The following ZNF148 variants were observed in gnomAD, a reference collection of about 807,000 sequenced individuals.
ZNF148 encodes Beta-Enolase Repressor Factor-1.
Under a neutral mutation model 67.7 loss-of-function variants are expected in ZNF148, and 7 were observed. The ratio of observed to expected loss-of-function variants is 0.10; its 90% CI spans 0.06 to 0.19. ZNF148 has a LOEUF of 0.19. Among genes scored for constraint, ZNF148 ranks in the 10% least tolerant of loss-of-function variants. ZNF148 has a pLI of 1.00. For synonymous variants in ZNF148, 333 were observed against 330.7 expected (o/e 1.01, Z -0.08); for missense variants, 583 against 947.1 (o/e 0.62, Z 5.05).
At chr3:125,278,514 A>G (rs901513386) in intron 6 of ZNF148, among the ~76,000 whole-genome samples, 2 of 151,992 alleles carry the variant, frequency 1.3e-5, no homozygotes, top group Non-Finnish European at 2.9e-5. Flanking sequence ...TCTCCTTGCT[A>G]TTTATTCCAA....
At chr3:125,262,164 T>G (rs776312235) in intron 7 of ZNF148, among the ~76,000 whole-genome samples, 28 of 152,218 alleles carry the variant, frequency 1.8e-4, no homozygotes, top group Non-Finnish European at 3.5e-4. Flanking sequence ...AGACAGATAC[T>G]GATATCAATC....
Position 125,237,916 on chromosome 3 carries a change from G to C in ZNF148, c.668-3587C>G, listed in dbSNP as rs1466818648. 2.0e-5 allele frequency among the ~76,000 whole-genome samples: 3 copies of C among 152,192 alleles called. No individual in the cohort carries two copies. The East Asian group carries it at 5.8e-4, about 29-fold the overall frequency. On this transcript the variant is annotated intron_variant, in intron 7 of 8. Coordinates refer to ENST00000360647, the MANE Select transcript of ZNF148 (RefSeq NM_021964.3). ...ACAAAACCACAATAACCAAGATATT[G>C]TGATAATAGCTTAAGGACAAGACAT...
intron 1 of ZNF148, among the ~76,000 whole-genome samples, chr3:125,351,028 G>C (rs1015995961): frequency 1.3e-5 from 2 of 152,112 alleles, no homozygotes; most frequent in Non-Finnish European, 2.9e-5. Flanking sequence ...ATGGTTGCCA[G>C]GGGATGAGGG....
intron 7 of ZNF148, among the ~76,000 whole-genome samples, chr3:125,271,376 C>T (rs1037922341): frequency 1.3e-5 from 2 of 152,210 alleles, no homozygotes; most frequent in Non-Finnish European, 1.5e-5. Flanking sequence ...CCACAGACTT[C>T]GTTTCAGCGA....
At chr3:125,279,995 TAAA>T (rs1169182575) in intron 5 of ZNF148, among the ~76,000 whole-genome samples, 1 of 146,318 alleles carries the variant, frequency 6.8e-6, no homozygotes, top group Non-Finnish European at 1.5e-5. Flanking sequence ...TACCTATTAC[TAAA>T]AAAAAAAGAG....
In ZNF148 at chr3:125,233,429, G is replaced by C; in HGVS notation, c.1297C>G (p.Gln433Glu). ...SKYAFELVDK[Q>E]ALLDSEGNAD... ...TTGCCTTCTGAGTCCAGTAAAGCCT[G>C]TTTATCCACAAGTTCAAAAGCATAC... is the stretch of plus-strand genomic sequence containing the variant. Residue 433 changes from glutamine to glutamate, a missense_variant, in exon 9 of 9, where the codon CAG (glutamine) becomes GAG (glutamate). Coordinates refer to ENST00000360647, the MANE Select transcript of ZNF148 (RefSeq NM_021964.3). This position sits in a 1 kb window ranked among gnomAD's most constrained non-coding sequence, Gnocchi z 5.1. 6.2e-7 allele frequency: 1 copy of C among 1,613,924 alleles called. No homozygotes were observed. The highest frequency in any genetic ancestry group is 8.5e-7 in the Non-Finnish European group (1 of 1,179,932).
chr3:125,292,618 G>A (rs910809075), intron 4 of ZNF148: 17 of 152,132 alleles, frequency 1.1e-4, no homozygotes, highest in African/African-American at 4.1e-4. Context: ...AACAGTTTCA[G>A]TAAATCTACA....
intron 4 of ZNF148, among the ~76,000 whole-genome samples, chr3:125,307,052 T>TC (rs1253402307): frequency 5.0e-5 from 3 of 60,564 alleles, no homozygotes; most frequent in Admixed American, 1.3e-4. Flanking sequence ...ACATAGCTAT[T>TC]CCAAAAAAAA....
intron 1 of ZNF148, among the ~76,000 whole-genome samples, chr3:125,334,509 T>C (rs964315615): frequency 1.3e-5 from 2 of 152,344 alleles, no homozygotes; most frequent in Admixed American, 6.5e-5. Flanking sequence ...GATCTCTTAA[T>C]GTTGATTCCA....
At chr3:125,352,784 G>C (rs533437420) in intron 1 of ZNF148, among the ~76,000 whole-genome samples, 19 of 151,866 alleles carry the variant, frequency 1.3e-4, no homozygotes, top group Non-Finnish European at 2.1e-4. Context: ...TATATGGAAA[G>C]GCAACAAAAC....
intron 2 of ZNF148, among the ~76,000 whole-genome samples, chr3:125,327,701 T>G (rs1941090723): frequency 6.6e-6 from 1 of 152,146 alleles, no homozygotes; most frequent in African/African-American, 2.4e-5. Flanking sequence ...AGAATTGAAT[T>G]TGATATCAAC....
chr3:125,287,128 AAAT>A (rs1242495425), intron 5 of ZNF148, among the ~76,000 whole-genome samples: 1 of 152,230 alleles, frequency 6.6e-6, no homozygotes, highest in East Asian at 1.9e-4. Context: ...ACAAAAATAT[AAAT>A]AATAATGATG....
At chr3:125,294,891 T>A (rs1028882765) in intron 4 of ZNF148, among the ~76,000 whole-genome samples, 1 of 152,212 alleles carries the variant, frequency 6.6e-6, no homozygotes, top group Non-Finnish European at 1.5e-5. Context: ...CTTATCCTCA[T>A]GTTACCAATA....
chr3:125,367,602 C>A (rs571734038), intron 1 of ZNF148, among the ~76,000 whole-genome samples: 1 of 152,318 alleles, frequency 6.6e-6, no homozygotes. Flanking sequence ...ATAGACAATT[C>A]AGATCTCCTA....
chr3:125,234,944 T>C (rs1936017887), intron 7 of ZNF148, among the ~76,000 whole-genome samples: 1 of 152,186 alleles, frequency 6.6e-6, no homozygotes, highest in Non-Finnish European at 1.5e-5. Context: ...CCCCCATTTT[T>C]GAAAATCCCC....
chr3:125,234,620 C>T (rs1392747563), intron 7 of ZNF148, among the ~76,000 whole-genome samples: 1 of 152,120 alleles, frequency 6.6e-6, no homozygotes, highest in Non-Finnish European at 1.5e-5. Context: ...AACAGACTAG[C>T]TGATGTTTCT....
At chr3:125,297,755 T>C (rs1043965695) in intron 4 of ZNF148, among the ~76,000 whole-genome samples, 1 of 152,084 alleles carries the variant, frequency 6.6e-6, no homozygotes. Flanking sequence ...CAAGATCAAA[T>C]AGCAAGGATA....
At chr3:125,355,652 C>T (rs887813642) in intron 1 of ZNF148, among the ~76,000 whole-genome samples, 3 of 151,376 alleles carry the variant, frequency 2.0e-5, no homozygotes, top group African/African-American at 4.9e-5. Flanking sequence ...TTTGGGAGGC[C>T]GAGGCAGGAG....
chr3:125,334,568 T>C (rs536231230), intron 1 of ZNF148, among the ~76,000 whole-genome samples: 3 of 152,210 alleles, frequency 2.0e-5, no homozygotes, highest in Non-Finnish European at 2.9e-5. Context: ...TGCTTTGGAC[T>C]CTGCTCAGTA....
Sources: gnomAD v4.1 joint callset for allele counts (sites outside exome capture counted in the v4.1 genomes callset) on GRCh38, gnomAD v4.1.1 for gene constraint, Gnocchi (gnomAD v3.1) non-coding constraint, MANE v1.5 for transcripts, NCBI Gene and HGNC (gene_info 2026-07-23, HGNC 2026-07-21) for gene names.